RBFOX1: variants seen among roughly 807,000 people sequenced by gnomAD.
The protein encoded by RBFOX1 is RNA binding fox-1 homolog 1, also known as RNA binding protein fox-1 homolog 1.
A neutral mutation model predicts 57.7 loss-of-function variants in RBFOX1; 8 were observed. The observed-to-expected ratio is 0.14, with a 90% CI of 0.08 to 0.25. The LOEUF (loss-of-function observed/expected upper bound fraction) is 0.25. Ranked by LOEUF, RBFOX1 falls within the 10% of genes least tolerant of loss-of-function variation. The probability of loss-of-function intolerance (pLI) is 1.00; values close to 1 mark genes in which losing one functional copy is unlikely to be tolerated. For missense variants in RBFOX1, 611 were observed against 548.5 expected (o/e 1.11, Z -1.14); for synonymous variants, 326 against 222.4 (o/e 1.47, Z -4.15).
chr16:6,567,537 C>T (rs1478003946), intron 2 of RBFOX1, among the ~76,000 whole-genome samples: 1 of 152,142 alleles, frequency 6.6e-6, no homozygotes, highest in Non-Finnish European at 1.5e-5. Context: ...ACCTTCATAG[C>T]ACTTATTACT....
chr16:6,463,652 C>G (rs573076620), intron 2 of RBFOX1, among the ~76,000 whole-genome samples: 1 of 152,288 alleles, frequency 6.6e-6, no homozygotes, highest in African/African-American at 2.4e-5. Context: ...CAACCAATGT[C>G]GTGAGCACCG....
intron 3 of RBFOX1, among the ~76,000 whole-genome samples, chr16:5,825,044 C>G (rs1349481464): frequency 6.6e-6 from 1 of 152,150 alleles, no homozygotes; most frequent in Non-Finnish European, 1.5e-5. Context: ...CAATCCATGG[C>G]CTGGAGAGTT....
chr16:6,606,138 T>A (rs564680694), intron 2 of RBFOX1, among the ~76,000 whole-genome samples: 1 of 152,000 alleles, frequency 6.6e-6, no homozygotes, highest in South Asian at 2.1e-4. Flanking sequence ...ATATACATCT[T>A]ATAATGCTGA....
chr16:6,976,135 AAAAG>A (rs59126293), intron 3 of RBFOX1, among the ~76,000 whole-genome samples: 67,098 of 151,696 alleles, frequency 0.44, 17,140 homozygotes, highest in Non-Finnish European at 0.57. Flanking sequence ...TCAAAAAGGA[AAAAG>A]AAACAAACAA....
intron 1 of RBFOX1, among the ~76,000 whole-genome samples, chr16:5,312,398 C>T (rs1334093835): frequency 6.6e-6 from 1 of 152,124 alleles, no homozygotes; most frequent in African/African-American, 2.4e-5. Context: ...GGCTCACTGC[C>T]ACCTCTGCTG....
intron 2 of RBFOX1, among the ~76,000 whole-genome samples, chr16:5,501,396 C>G (rs2043193348): frequency 6.7e-6 from 1 of 149,084 alleles, no homozygotes; most frequent in Non-Finnish European, 1.5e-5. Flanking sequence ...TCCCACATTT[C>G]TAAATGAATG....
At chr16:7,213,419 A>G (rs533022937) in intron 4 of RBFOX1, among the ~76,000 whole-genome samples, 2 of 152,310 alleles carry the variant, frequency 1.3e-5, no homozygotes, top group African/African-American at 4.8e-5. Context: ...GTTGAGAACC[A>G]TTGCCTGACA....
intron 2 of RBFOX1, among the ~76,000 whole-genome samples, chr16:6,385,456 A>T (rs111420374): frequency 0.15 from 22,976 of 152,094 alleles, 2,487 homozygotes; most frequent in African/African-American, 0.3. Context: ...TCCTCCCAGG[A>T]TCAAGTGATT....
intron 3 of RBFOX1, among the ~76,000 whole-genome samples, chr16:6,831,066 C>G (rs1025335951): frequency 2.0e-5 from 3 of 152,188 alleles, no homozygotes; most frequent in African/African-American, 4.8e-5. Context: ...TCAAATGTAC[C>G]TCAACCTCCA....
chr16:7,653,864 G>C lies in RBFOX1; in HGVS notation c.807G>C (p.Gly269=), dbSNP rs2065673050. 6.2e-7 allele frequency: 1 copy of C among 1,605,238 alleles called. No individual in the cohort carries two copies. Among genetic ancestry groups the C allele is most frequent in the Non-Finnish European group, 8.5e-7 (1 of 1,179,442 alleles). ...PAATAAAAYR[G]AHLRGRGRTV... ...CCACCGCCGCGGCCGCCTACCGAGG[G>C]GCGCACCTGCGAGGCCGCGGTCGCA... The change falls in exon 12 of 16, where the codon GGG becomes GGC. Residue 269 remains glycine, a synonymous_variant. Coordinates refer to ENST00000550418, the MANE Select transcript of RBFOX1 (RefSeq NM_018723.4).
At chr16:6,336,120 C>T (rs1271816881) in intron 2 of RBFOX1, among the ~76,000 whole-genome samples, 10 of 121,482 alleles carry the variant, frequency 8.2e-5, no homozygotes, top group African/African-American at 2.3e-4. Context: ...GCTTAAATAA[C>T]TGTGATATAT....
At chr16:6,449,405 A>G (rs896951275) in intron 2 of RBFOX1, among the ~76,000 whole-genome samples, 3 of 152,218 alleles carry the variant, frequency 2.0e-5, no homozygotes, top group African/African-American at 7.2e-5. Flanking sequence ...AGAACATTCC[A>G]GGCTGTGAGT....
chr16:5,606,680 T>A (rs1423076266), intron 3 of RBFOX1, among the ~76,000 whole-genome samples: 3 of 151,914 alleles, frequency 2.0e-5, no homozygotes, highest in Non-Finnish European at 4.4e-5. Flanking sequence ...ACAATCTGAT[T>A]GCTTTGTAGT....
chr16:6,256,713 C>T lies in RBFOX1; in HGVS notation c.-126-60282C>T, dbSNP rs76669857. 8.1e-3 allele frequency among the ~76,000 whole-genome samples: 1,234 copies of T among 152,204 alleles called. 12 individuals carry two copies. The highest frequency in any genetic ancestry group is 0.012 in the Non-Finnish European group (807 of 68,014). On this transcript the variant is annotated intron_variant, in intron 1 of 15. Transcript: ENST00000550418. ...GACACTTCGTAGCATCCCCGGCTGC[C>T]ACTCATGACATGCCAGCAGTGTCTT...
chr16:7,634,263 G>C (rs1464881109), intron 11 of RBFOX1, among the ~76,000 whole-genome samples: 1 of 152,156 alleles, frequency 6.6e-6, no homozygotes, highest in Non-Finnish European at 1.5e-5. Flanking sequence ...AGGAAGGTGT[G>C]TGTAAATTAC....
At chr16:6,913,710 T>C (rs1358781974) in intron 3 of RBFOX1, among the ~76,000 whole-genome samples, 1 of 152,140 alleles carries the variant, frequency 6.6e-6, no homozygotes, top group Non-Finnish European at 1.5e-5. Context: ...CCAGGCTCTG[T>C]CCTCCCCTGC....
At chr16:6,574,288 A>T (rs2097390597) in intron 2 of RBFOX1, among the ~76,000 whole-genome samples, 1 of 152,098 alleles carries the variant, frequency 6.6e-6, no homozygotes, top group South Asian at 2.1e-4. Flanking sequence ...TGTTGCTTTC[A>T]TGCCGGCTCT....
intron 4 of RBFOX1, among the ~76,000 whole-genome samples, chr16:7,320,320 C>A (rs1030377944): frequency 6.6e-6 from 1 of 152,060 alleles, no homozygotes; most frequent in African/African-American, 2.4e-5. Flanking sequence ...TGAGTGAGAA[C>A]ATGGAGTGTC....
chr16:6,206,929 C>A (rs1275492314), intron 1 of RBFOX1, among the ~76,000 whole-genome samples: 1 of 151,564 alleles, frequency 6.6e-6, no homozygotes, highest in Non-Finnish European at 1.5e-5. Context: ...ACATGGTGAG[C>A]ACCTTGTAAT....
Sources: gnomAD v4.1 joint callset for allele counts (sites outside exome capture counted in the v4.1 genomes callset) on GRCh38, gnomAD v4.1.1 for gene constraint, MANE v1.5 for transcripts, NCBI Gene and HGNC (gene_info 2026-07-23, HGNC 2026-07-21) for gene names.